PCDHA6: variants seen among roughly 807,000 people sequenced by gnomAD.
The protein encoded by PCDHA6 is protocadherin alpha-6.
A neutral mutation model predicts 60.3 loss-of-function variants in PCDHA6; 55 were observed. That is an observed-to-expected ratio of 0.91 (90% CI 0.73 to 1.14). The LOEUF (loss-of-function observed/expected upper bound fraction) is 1.14, where lower values mean the gene tolerates loss of function less well. Ranked by LOEUF, PCDHA6 falls within the 50% of genes most tolerant of loss-of-function variation. The pLI, the probability that PCDHA6 is intolerant of heterozygous loss-of-function variation, is 0.00. For missense variants in PCDHA6, 1,327 were observed against 1,256.5 expected, an observed-to-expected ratio of 1.06 and a Z score of -0.85; for synonymous variants, 652 against 557.9, an observed-to-expected ratio of 1.17 and a Z score of -2.38.
chr5:140,841,580 A>T (rs1777346702), intron 1 of PCDHA6: 1 of 1,613,870 alleles, frequency 6.2e-7, no homozygotes, highest in South Asian at 1.1e-5. Context: ...TTTGTTTGTG[A>T]ATTCTCGGAT....
At chr5:140,842,470 G>A (rs782055761) in intron 1 of PCDHA6, 2 of 1,613,802 alleles carry the variant, frequency 1.2e-6, no homozygotes, top group South Asian at 1.1e-5. Context: ...GTGCCAACGG[G>A]CAGGTGACCT....
intron 3 of PCDHA6, among the ~76,000 whole-genome samples, chr5:140,985,454 A>G (rs1378044295): frequency 1.3e-5 from 2 of 152,188 alleles, no homozygotes; most frequent in Non-Finnish European, 2.9e-5. Context: ...GAAAAGGGAA[A>G]TGCTCCAAAA....
intron 1 of PCDHA6, among the ~76,000 whole-genome samples, chr5:140,946,042 C>T (rs967126849): frequency 4.6e-4 from 70 of 152,118 alleles, no homozygotes; most frequent in African/African-American, 1.6e-3. Flanking sequence ...AGTGAAGGGA[C>T]AATCCACAGA....
rs190994194 is a variant in PCDHA6, at chr5:140,913,276, C to T, written c.2395-65673C>T. On this transcript the variant is annotated intron_variant, in intron 1 of 3. Transcript: ENST00000529310. ...TTTGATCTAATTACTTGTTATTGGTCTGTTTAGGTTTTAATTTCTTCATAG... is the reference window on the plus strand; with the variant it reads ...TTTGATCTAATTACTTGTTATTGGTTTGTTTAGGTTTTAATTTCTTCATAG... Among the ~76,000 whole-genome samples, 291 of 152,186 alleles carry T rather than the reference C, an allele frequency of 1.9e-3. 1 individual carries two copies. The highest frequency in any genetic ancestry group is 0.01 in the Middle Eastern group (3 of 294).
At chr5:140,968,256 A>G (rs782309414) in intron 1 of PCDHA6, 2 of 1,614,006 alleles carry the variant, frequency 1.2e-6, no homozygotes, top group East Asian at 4.5e-5. Flanking sequence ...ACAGACCCAG[A>G]TGAAAAGGAG....
At chr5:140,915,841 G>A (rs1315300132) in intron 1 of PCDHA6, among the ~76,000 whole-genome samples, 1 of 152,098 alleles carries the variant, frequency 6.6e-6, no homozygotes, top group African/African-American at 2.4e-5. Context: ...GATCAGCAGG[G>A]GGTGACACCA....
Position 141,006,215 on chromosome 5 carries a change from T to A in PCDHA6, c.2543-3412T>A, listed in dbSNP as rs530559800. Among the ~76,000 whole-genome samples, 194 of 151,754 alleles carry A rather than the reference T, an allele frequency of 1.3e-3. 2 individuals carry two copies. The highest frequency in any genetic ancestry group is 4.2e-3 in the African/African-American group (174 of 41,396). ...ATGTATGTTATGCCTCATTTTTTTT[T>A]AAATTTTTTATTTTTAGATGGAGTC... On this transcript the variant is annotated intron_variant, in intron 3 of 3. Coordinates refer to ENST00000529310, the MANE Select transcript of PCDHA6 (RefSeq NM_018909.4).
chr5:140,851,325 T>G (rs2042028843), intron 1 of PCDHA6: 3 of 984,014 alleles, frequency 3.0e-6, no homozygotes, highest in South Asian at 4.6e-5. Context: ...TTGTTAAGTT[T>G]GTAGTTCTCT....
At chr5:140,939,593 T>C (rs1554212802) in intron 1 of PCDHA6, among the ~76,000 whole-genome samples, 1 of 152,198 alleles carries the variant, frequency 6.6e-6, no homozygotes, top group African/African-American at 2.4e-5. Flanking sequence ...TAACATACCT[T>C]GCTCAAAAAC....
At chr5:140,966,724 CGCCTCCGGCCCTGCCCGGCT>C (rs1563354102) in intron 1 of PCDHA6, 1 of 1,396,284 alleles carries the variant, frequency 7.2e-7, no homozygotes, top group Admixed American at 3.3e-5. Flanking sequence ...GGGAAGCTGC[CGCCTCCGGCCCTGCCCGGCT>C]GCCTCCGCCG....
rs569740487 is a variant in PCDHA6, at chr5:140,970,470, G to A, written c.2395-8479G>A. On this transcript the variant is annotated intron_variant, in intron 1 of 3. Transcript: ENST00000529310. Reference sequence around the variant, plus strand: ...AGTTTTGAGATTTAAGTAGGTATAAGGCCAGCTTGTTCATTATTATGAAGA... The same window carrying A: ...AGTTTTGAGATTTAAGTAGGTATAAAGCCAGCTTGTTCATTATTATGAAGA... Among the ~76,000 whole-genome samples the A allele has an allele frequency of 2.6e-5, 4 of 152,238 alleles. No homozygotes were observed. In the South Asian group the frequency reaches 8.3e-4, roughly 32 times the overall value.
At chr5:140,955,965 T>C (rs2095242955) in intron 1 of PCDHA6, among the ~76,000 whole-genome samples, 1 of 152,204 alleles carries the variant, frequency 6.6e-6, no homozygotes, top group Admixed American at 6.5e-5. Context: ...TGTTTGTGCA[T>C]AGGAATGCTA....
intron 3 of PCDHA6, chr5:140,989,029 T>C (rs1179991724): frequency 6.6e-6 from 1 of 152,170 alleles, no homozygotes. Context: ...TCAGTTATCA[T>C]TGATTCCTTT....
rs1377583653 is a variant in PCDHA6 at position 140,828,179 on chromosome 5, C to G, written c.88C>G (p.Gln30Glu). 3 of 1,614,168 alleles carry G rather than the reference C, an allele frequency of 1.9e-6. No individual in the cohort carries two copies. Among genetic ancestry groups the G allele is most frequent in the Non-Finnish European group, 2.5e-6 (3 of 1,180,040 alleles). ...LLAAWKVGSG[Q>E]LHYSVPEEAK... ...CGCAGCCTGGAAGGTGGGGAGCGGCCAGCTCCACTACTCCGTACCCGAGGA... is the reference window on the plus strand; with the variant it reads ...CGCAGCCTGGAAGGTGGGGAGCGGCGAGCTCCACTACTCCGTACCCGAGGA... The change falls in exon 1 of 4, where the codon CAG (glutamine) becomes GAG (glutamate). Residue 30 changes from glutamine (Q) to glutamate (E), a missense_variant. Transcript: ENST00000529310.
intron 1 of PCDHA6, chr5:140,928,156 T>G (rs1554205560): frequency 6.2e-7 from 1 of 1,614,188 alleles, no homozygotes; most frequent in East Asian, 2.2e-5. Context: ...AGATAGTGGC[T>G]CACCCCCACT....
intron 1 of PCDHA6, chr5:140,848,428 C>G: frequency 6.9e-7 from 1 of 1,450,064 alleles, no homozygotes; most frequent in Middle Eastern, 1.8e-4. Flanking sequence ...ATGGGACTGA[C>G]GAAATCAGAT....
At chr5:140,879,799 G>C (rs1165330277) in intron 1 of PCDHA6, among the ~76,000 whole-genome samples, 5 of 152,188 alleles carry the variant, frequency 3.3e-5, no homozygotes, top group Non-Finnish European at 7.3e-5. Flanking sequence ...GTTTCTTCCA[G>C]TTTCTATTGG....
chr5:140,856,112 G>A (rs782115498), intron 1 of PCDHA6: 1 of 1,598,078 alleles, frequency 6.3e-7, no homozygotes, highest in African/African-American at 1.3e-5. Flanking sequence ...TCTCCTCGCA[G>A]CCTGGGAGGT....
intron 3 of PCDHA6, among the ~76,000 whole-genome samples, chr5:140,987,981 ACT>A (rs2153869731): frequency 6.6e-6 from 1 of 152,028 alleles, no homozygotes; most frequent in African/African-American, 2.4e-5. Context: ...CTCCATGGAG[ACT>A]CCATCTCTGA....
Sources: allele counts gnomAD v4.1 joint callset (sites outside exome capture counted in the v4.1 genomes callset), GRCh38; gene constraint gnomAD v4.1.1; transcripts MANE v1.5; gene names NCBI Gene and HGNC (gene_info 2026-07-23, HGNC 2026-07-21).